The following EVI5 variants were observed in gnomAD, a reference collection of about 807,000 sequenced individuals.
EVI5 encodes the protein ecotropic viral integration site 5 protein homolog.
A neutral mutation model predicts 112.0 loss-of-function variants in EVI5; 73 were observed. The observed-to-expected ratio is 0.65, with a 90% CI of 0.54 to 0.79. The LOEUF is 0.79. Ranked by LOEUF, EVI5 falls within the 30% of genes least tolerant of loss-of-function variation. EVI5 has a pLI of 0.00. For synonymous variants in EVI5, 305 were observed against 319.9 expected (o/e 0.95, Z 0.50); for missense variants, 900 against 968.8 (o/e 0.93, Z 0.94).
chr1:92,613,682 G>A (rs1652400632), intron 16 of EVI5, among the ~76,000 whole-genome samples: 1 of 152,100 alleles, frequency 6.6e-6, no homozygotes, highest in Non-Finnish European at 1.5e-5. Context: ...TCAAACTCCT[G>A]GGCTCAAGCG....
chr1:92,610,948 G>A (rs1247232374), intron 16 of EVI5, among the ~76,000 whole-genome samples: 1 of 151,486 alleles, frequency 6.6e-6, no homozygotes, highest in Non-Finnish European at 1.5e-5. Context: ...GGACTGTTGT[G>A]GGGTTGGGGG....
At chr1:92,753,176 C>T (rs1680453304) in intron 1 of EVI5, among the ~76,000 whole-genome samples, 2 of 151,200 alleles carry the variant, frequency 1.3e-5, no homozygotes, top group East Asian at 2.0e-4. Flanking sequence ...CCCTGAAGAA[C>T]TGAATATTTT....
chr1:92,687,140 T>C (rs78183366), intron 9 of EVI5, among the ~76,000 whole-genome samples: 140,028 of 152,038 alleles, frequency 0.92, 64,570 homozygotes, highest in East Asian at 0.97. Flanking sequence ...CTTCAAACTA[T>C]ACTACAAGGC....
intron 18 of EVI5, among the ~76,000 whole-genome samples, chr1:92,583,733 CTT>C (rs75392768): frequency 2.2e-4 from 30 of 138,020 alleles, no homozygotes; most frequent in Admixed American, 2.2e-4. Flanking sequence ...CTCTCTCTCT[CTT>C]TTTTTTTTTT....
chr1:92,698,139 T>C (rs1173069943), intron 5 of EVI5, among the ~76,000 whole-genome samples, 154 bp from the exon 6 acceptor site: 4 of 152,216 alleles, frequency 2.6e-5, no homozygotes, highest in Non-Finnish European at 1.5e-5. Flanking sequence ...ATCAGAAAGT[T>C]CTAGTCTCCC....
upstream of EVI5, among the ~76,000 whole-genome samples, chr1:92,789,712 TC>T (rs1244558370): frequency 4.6e-5 from 7 of 152,174 alleles, no homozygotes; most frequent in East Asian, 7.7e-4. Flanking sequence ...GGGGAACCCC[TC>T]TAAACTTGGC....
At chr1:92,589,322 C>T (rs1168390490) in intron 18 of EVI5, among the ~76,000 whole-genome samples, 1 of 152,156 alleles carries the variant, frequency 6.6e-6, no homozygotes, top group Non-Finnish European at 1.5e-5. Context: ...CGAGGCATCA[C>T]CTCACCAGGG....
chr1:92,719,877 T>C (rs1488467215), intron 2 of EVI5, among the ~76,000 whole-genome samples: 1 of 152,030 alleles, frequency 6.6e-6, no homozygotes, highest in Non-Finnish European at 1.5e-5. Context: ...CAAGCATTCT[T>C]ATAAACCAAT....
At chr1:92,664,834 T>A (rs1238588091) in intron 11 of EVI5, among the ~76,000 whole-genome samples, 1 of 152,220 alleles carries the variant, frequency 6.6e-6, no homozygotes, top group African/African-American at 2.4e-5. Context: ...GATTGTAGAT[T>A]TTCAGGGAAG....
chr1:92,584,187 T>TC (rs1557838589), intron 18 of EVI5, among the ~76,000 whole-genome samples: 1 of 148,296 alleles, frequency 6.7e-6, no homozygotes, highest in Non-Finnish European at 1.5e-5. Flanking sequence ...TCAAGTGCTC[T>TC]CTCTTTCGTA....
chr1:92,619,661 TG>T (rs1346401093), intron 16 of EVI5, among the ~76,000 whole-genome samples: 1 of 151,864 alleles, frequency 6.6e-6, no homozygotes, highest in Non-Finnish European at 1.5e-5. Flanking sequence ...GGCTCGTGAC[TG>T]TAATCCTAGC....
At chr1:92,621,412 A>G (rs1234055076) in intron 16 of EVI5, among the ~76,000 whole-genome samples, 1 of 152,194 alleles carries the variant, frequency 6.6e-6, no homozygotes, top group Admixed American at 6.5e-5. Flanking sequence ...ACCGGGTTCA[A>G]CCGATTCTCC....
At chr1:92,568,164 C>A (rs914026174) in intron 18 of EVI5, among the ~76,000 whole-genome samples, 6 of 151,792 alleles carry the variant, frequency 4.0e-5, no homozygotes, top group Admixed American at 2.0e-4. Flanking sequence ...CTTGAGCCCA[C>A]GAGTTCAAAA....
chr1:92,727,007 A>G (rs1558155345), intron 2 of EVI5, among the ~76,000 whole-genome samples: 1 of 152,190 alleles, frequency 6.6e-6, no homozygotes. Flanking sequence ...ACAATATAAG[A>G]CAAGTTTAAA....
intron 10 of EVI5, among the ~76,000 whole-genome samples, chr1:92,668,386 A>G (rs1456737075): frequency 6.6e-6 from 1 of 152,218 alleles, no homozygotes; most frequent in Non-Finnish European, 1.5e-5. Flanking sequence ...AAATGCTGCT[A>G]AAGTCTAGAG....
At chr1:92,665,319 T>C (rs976979324) in intron 11 of EVI5, among the ~76,000 whole-genome samples, 6 of 152,240 alleles carry the variant, frequency 3.9e-5, no homozygotes, top group African/African-American at 9.6e-5. Flanking sequence ...TTCATTCTTA[T>C]AGCATCTGTA....
intron 9 of EVI5, among the ~76,000 whole-genome samples, chr1:92,680,990 G>A (rs953307841): frequency 3.3e-4 from 51 of 152,258 alleles, no homozygotes; most frequent in African/African-American, 9.9e-4. Context: ...CTGGACGGAG[G>A]GTGGGGGAGA....
At chr1:92,602,337 C>T (rs1378950085) in intron 18 of EVI5, among the ~76,000 whole-genome samples, 1 of 152,098 alleles carries the variant, frequency 6.6e-6, no homozygotes, top group Admixed American at 6.6e-5. Context: ...AAACTTACTA[C>T]TTTTATCATA....
chr1:92,643,160 G>A (rs1660299588), intron 13 of EVI5, among the ~76,000 whole-genome samples: 1 of 151,856 alleles, frequency 6.6e-6, no homozygotes, highest in South Asian at 2.1e-4. Context: ...GGGGCTTCTT[G>A]GAAAAACTCA....
Sources: allele counts gnomAD v4.1 joint callset (sites outside exome capture counted in the v4.1 genomes callset), GRCh38; gene constraint gnomAD v4.1.1; transcripts MANE v1.5; gene names NCBI Gene and HGNC (gene_info 2026-07-23, HGNC 2026-07-21).